Variants in MYO1D observed in about 807,000 individuals in gnomAD.
MYO1D encodes unconventional myosin-Id.
MYO1D carries 83 observed loss-of-function variants against 122.0 expected under a neutral mutation model. The ratio of observed to expected loss-of-function variants is 0.68; its 90% CI spans 0.57 to 0.82. The LOEUF (loss-of-function observed/expected upper bound fraction) is 0.82, where lower values mean the gene tolerates loss of function less well. Among genes scored for constraint, MYO1D ranks in the 40% least tolerant of loss-of-function variants. The pLI is 0.00. For missense variants in MYO1D, 1,157 were observed against 1,269.5 expected, an observed-to-expected ratio of 0.91 and a Z score of 1.35; for synonymous variants, 464 against 446.9, an observed-to-expected ratio of 1.04 and a Z score of -0.48.
At chr17:32,794,229 G>T (rs2090389772) in intron 1 of MYO1D, 1 of 152,128 alleles carries the variant, frequency 6.6e-6, no homozygotes, top group South Asian at 2.1e-4. Context: ...CACAGGTGGT[G>T]GATTAAATGA....
intron 1 of MYO1D, among the ~76,000 whole-genome samples, chr17:32,869,090 G>T (rs1043562273): frequency 6.6e-6 from 1 of 151,482 alleles, no homozygotes; most frequent in Non-Finnish European, 1.5e-5. Context: ...GTGGTGGTAC[G>T]TGCCTGTAAT....
At chr17:32,614,249 C>T (rs1405360738) in intron 20 of MYO1D, among the ~76,000 whole-genome samples, 2 of 149,090 alleles carry the variant, frequency 1.3e-5, no homozygotes, top group African/African-American at 5.0e-5. Flanking sequence ...CCTGCCCTTC[C>T]ATGCCCCCGC....
At chr17:32,609,828 C>T (rs2087676779) in intron 20 of MYO1D, among the ~76,000 whole-genome samples, 1 of 151,964 alleles carries the variant, frequency 6.6e-6, no homozygotes, top group South Asian at 2.1e-4. Context: ...CAATGTGGAT[C>T]GTGGGCTTTC....
chr17:32,650,526 C>A (rs940970401), intron 19 of MYO1D, among the ~76,000 whole-genome samples: 4 of 152,132 alleles, frequency 2.6e-5, no homozygotes, highest in Admixed American at 2.6e-4. Flanking sequence ...ACTTCGGCTG[C>A]ACCTATATTA....
chr17:32,579,208 C>T (rs1014751822), intron 21 of MYO1D, among the ~76,000 whole-genome samples: 1 of 152,062 alleles, frequency 6.6e-6, no homozygotes, highest in Admixed American at 6.6e-5. Context: ...GCTGGGACTA[C>T]AGGTGTGTGC....
In MYO1D at chr17:32,532,723, C is replaced by CAA. The variant is rs71144833; in HGVS notation, c.2865-37810_2865-37809dup. On this transcript the variant is annotated intron_variant, in intron 21 of 21. Coordinates refer to ENST00000318217, the MANE Select transcript of MYO1D (RefSeq NM_015194.3). ...TGGGCGACAGAGTGAGACTCCGTCT[C>CAA]AAAAAAAAAAAAAAAAAAAACCAAA... Among the ~76,000 whole-genome samples, 380 of 99,472 alleles carry CAA rather than the reference C, an allele frequency of 3.8e-3. 3 individuals carry two copies. The highest frequency in any genetic ancestry group is 8.0e-3 in the African/African-American group (216 of 27,064). 65.3% of individuals were successfully genotyped at this position (99,472 alleles called of 152,430 possible).
rs1364693990 is a variant in MYO1D, at chr17:32,788,743, T to C, written c.96-7959A>G. Among the ~76,000 whole-genome samples, 6 of 152,178 alleles carry C rather than the reference T, an allele frequency of 3.9e-5. No individual in the cohort carries two copies. The East Asian group carries it at 1.2e-3, about 29-fold the overall frequency. On this transcript the variant is annotated intron_variant, in intron 1 of 21. Coordinates refer to ENST00000318217, the MANE Select transcript of MYO1D (RefSeq NM_015194.3). Reference sequence around the variant, plus strand: ...TTGCTTTGGGGGTGCAGGCTCTTTTTTGGTTTCATATGAATTTTAGGATTT... The same window carrying C: ...TTGCTTTGGGGGTGCAGGCTCTTTTCTGGTTTCATATGAATTTTAGGATTT...
chr17:32,873,934 A>G (rs954825501), intron 1 of MYO1D, among the ~76,000 whole-genome samples: 5 of 152,038 alleles, frequency 3.3e-5, no homozygotes, highest in African/African-American at 7.3e-5. Flanking sequence ...GATTCCTCCC[A>G]CCTCTCCACA....
intron 14 of MYO1D, among the ~76,000 whole-genome samples, chr17:32,731,449 C>G (rs1051677236): frequency 2.6e-5 from 4 of 152,194 alleles, no homozygotes; most frequent in Non-Finnish European, 5.9e-5. Context: ...CTCATATTCT[C>G]TTTCTGATCA....
At chr17:32,869,403 A>G (rs2091158916) in intron 1 of MYO1D, among the ~76,000 whole-genome samples, 3 of 152,254 alleles carry the variant, frequency 2.0e-5, no homozygotes, top group Admixed American at 2.0e-4. Context: ...TGGCATTTTT[A>G]TAGGCCATGT....
At chr17:32,682,468 A>C (rs1202619973) in intron 16 of MYO1D, among the ~76,000 whole-genome samples, 1 of 149,602 alleles carries the variant, frequency 6.7e-6, no homozygotes, top group Non-Finnish European at 1.5e-5. Context: ...ATCTCTCAGC[A>C]TTTGCTTGTC....
intron 1 of MYO1D, among the ~76,000 whole-genome samples, chr17:32,824,679 G>A (rs1413503629): frequency 1.3e-5 from 2 of 152,312 alleles, no homozygotes; most frequent in East Asian, 3.9e-4. Flanking sequence ...ATTGACCCAG[G>A]ACCTCTTTCT....
intron 21 of MYO1D, among the ~76,000 whole-genome samples, chr17:32,546,215 T>C (rs1321912797): frequency 6.6e-6 from 1 of 152,242 alleles, no homozygotes; most frequent in Non-Finnish European, 1.5e-5. Flanking sequence ...CTTAGCCACT[T>C]TGAGGGCTGA....
rs145126486 is a variant in MYO1D at position 32,767,732 on chromosome 17, G to T, written c.735C>A (p.Ala245=). 10 of 1,612,986 alleles carry T rather than the reference G, an allele frequency of 6.2e-6. No individual in the cohort carries two copies. Among genetic ancestry groups the T allele is most frequent in the African/African-American group, 4.0e-5 (3 of 74,956 alleles). ...AQLKSSINDA[A]EFRVVADAMK... is the part of the protein sequence containing the mutation. Reference sequence around the variant, plus strand: ...TGGCATCAGCAACAACTCTGAATTCGGCAGCATCATTGATAGAAGACTGGG... The same window carrying T: ...TGGCATCAGCAACAACTCTGAATTCTGCAGCATCATTGATAGAAGACTGGG... Residue 245 remains alanine (A), a synonymous_variant, in exon 7 of 22, where the codon GCC becomes GCA. Transcript: ENST00000318217.
chr17:32,756,549 A>G lies in MYO1D; in HGVS notation c.1297-887T>C, dbSNP rs114759843. Among the ~76,000 whole-genome samples the G allele has an allele frequency of 2.4e-3, 369 of 151,024 alleles. 4 individuals are homozygous for G. The highest frequency in any genetic ancestry group is 6.8e-3 in the African/African-American group (279 of 41,154). ...GTTTGTTAACAACCCTTTATCTCTT[A>G]GTGTTAAATAAACTCCACTTAAAAC... is the stretch of plus-strand genomic sequence containing the variant. On this transcript the variant is annotated intron_variant, in intron 10 of 21. Transcript: ENST00000318217.
chr17:32,768,738 A>G (rs185536102), intron 6 of MYO1D, among the ~76,000 whole-genome samples: 6 of 152,306 alleles, frequency 3.9e-5, no homozygotes, highest in Admixed American at 2.0e-4. Context: ...ATAATAACAT[A>G]TATCTTACAG....
intron 16 of MYO1D, among the ~76,000 whole-genome samples, chr17:32,690,403 G>A (rs1198539121): frequency 1.3e-5 from 2 of 152,072 alleles, no homozygotes; most frequent in Non-Finnish European, 2.9e-5. Flanking sequence ...GCGAACTCCT[G>A]AGCTCAGGCA....
chr17:32,629,331 A>G (rs1184402419), intron 20 of MYO1D, among the ~76,000 whole-genome samples: 1 of 152,214 alleles, frequency 6.6e-6, no homozygotes, highest in Non-Finnish European at 1.5e-5. Flanking sequence ...GCCAAAACCT[A>G]CAGAACTCAA....
chr17:32,780,111 TA>T (rs970836006), intron 2 of MYO1D, among the ~76,000 whole-genome samples: 1 of 152,136 alleles, frequency 6.6e-6, no homozygotes, highest in African/African-American at 2.4e-5. Flanking sequence ...TGGGCTTCAA[TA>T]ACTCAGCCCC....
Sources: allele counts gnomAD v4.1 joint callset (sites outside exome capture counted in the v4.1 genomes callset), GRCh38; gene constraint gnomAD v4.1.1; transcripts MANE v1.5; gene names NCBI Gene and HGNC (gene_info 2026-07-23, HGNC 2026-07-21).